The following RIPOR3 variants were observed in gnomAD, a reference collection of about 807,000 sequenced individuals.
RIPOR3 encodes the protein RIPOR family member 3.
Under a neutral mutation model 114.3 loss-of-function variants are expected in RIPOR3, and 95 were observed. The ratio of observed to expected loss-of-function variants is 0.83; its 90% CI spans 0.70 to 0.99. The LOEUF is 0.99. RIPOR3 is among the 50% of genes least tolerant of loss of function. RIPOR3 has a pLI of 0.00. For missense variants in RIPOR3, 1,252 were observed against 1,266.9 expected, an observed-to-expected ratio of 0.99 and a Z score of 0.18; for synonymous variants, 575 against 543.8, an observed-to-expected ratio of 1.06 and a Z score of -0.80.
chr20:50,674,505 T>C (rs1390108694), intron 1 of RIPOR3, among the ~76,000 whole-genome samples: 1 of 151,432 alleles, frequency 6.6e-6, no homozygotes, highest in Non-Finnish European at 1.5e-5. Flanking sequence ...TGTTGTGAGT[T>C]GAACAGTGTT....
At chr20:50,655,000 AG>A (rs2085758087) in intron 1 of RIPOR3, among the ~76,000 whole-genome samples, 1 of 152,208 alleles carries the variant, frequency 6.6e-6, no homozygotes, top group Non-Finnish European at 1.5e-5. Flanking sequence ...TTGCCCAACT[AG>A]GCCCCCCAGA....
intron 1 of RIPOR3, among the ~76,000 whole-genome samples, chr20:50,631,399 G>T (rs1201690385): frequency 6.6e-6 from 1 of 152,208 alleles, no homozygotes; most frequent in Non-Finnish European, 1.5e-5. Flanking sequence ...AGGCTGACGT[G>T]GGGTGAAGGG....
chr20:50,629,558 G>A (rs1358172886), intron 2 of RIPOR3, among the ~76,000 whole-genome samples: 5 of 152,154 alleles, frequency 3.3e-5, no homozygotes, highest in Admixed American at 3.3e-4. Context: ...GGGGCAGCAG[G>A]CAGGGCCTGG....
In RIPOR3 at chr20:50,611,223, G is replaced by A; in HGVS notation, c.349-19C>T. 6.2e-7 allele frequency: 1 copy of A among 1,614,094 alleles called. No homozygotes were observed. The highest frequency in any genetic ancestry group is 8.5e-7 in the Non-Finnish European group (1 of 1,180,032). ...AGAAAGCCTGTGAGGGAGGAAAGGA[G>A]GGCGGAAGAAGCTGTCAGAGTCCCA... On this transcript the variant is annotated intron_variant, in intron 4 of 21. Coordinates refer to ENST00000327979, the MANE Select transcript of RIPOR3 (RefSeq NM_001290268.2).
chr20:50,616,158 C>T (rs1317691966), intron 3 of RIPOR3, 78 bp from the exon 4 acceptor site: 5 of 1,439,278 alleles, frequency 3.5e-6, no homozygotes, highest in Non-Finnish European at 2.9e-6. Context: ...TGGACAATGT[C>T]CCCACGTGGA....
chr20:50,643,529 C>T (rs1320674404), intron 1 of RIPOR3, among the ~76,000 whole-genome samples: 1 of 151,150 alleles, frequency 6.6e-6, no homozygotes, highest in Non-Finnish European at 1.5e-5. Context: ...CCCATCTCTA[C>T]AAGAAGTGAA....
chr20:50,619,508 C>T (rs930834419), intron 3 of RIPOR3, among the ~76,000 whole-genome samples: 2 of 152,000 alleles, frequency 1.3e-5, no homozygotes, highest in African/African-American at 4.8e-5. Flanking sequence ...CCCAGCTCAT[C>T]AGTTGGTCTC....
intron 12 of RIPOR3, among the ~76,000 whole-genome samples, chr20:50,604,185 C>CAA (rs11300905): frequency 1.6e-3 from 134 of 84,580 alleles, no homozygotes; most frequent in African/African-American, 5.6e-3. Flanking sequence ...AACTCCGTCT[C>CAA]AAAAAAAAAA....
At chr20:50,687,303 T>C (rs115811849) in intron 1 of RIPOR3, among the ~76,000 whole-genome samples, 1 of 152,206 alleles carries the variant, frequency 6.6e-6, no homozygotes, top group Non-Finnish European at 1.5e-5. Context: ...CTGCATCCAC[T>C]CCAGTGCTTC....
chr20:50,632,348 G>T (rs1329921104), intron 1 of RIPOR3, among the ~76,000 whole-genome samples: 1 of 152,220 alleles, frequency 6.6e-6, no homozygotes, highest in Non-Finnish European at 1.5e-5. Flanking sequence ...ACCAAGGAAA[G>T]CATGTCCCGA....
Position 50,587,183 on chromosome 20 carries a change from C to T in RIPOR3, c.*49G>A. On this transcript the variant is annotated 3_prime_UTR_variant, in exon 22 of 22. Coordinates refer to ENST00000327979, the MANE Select transcript of RIPOR3 (RefSeq NM_001290268.2). The stretch of plus-strand genomic sequence containing the variant: ...GAGTGCAGGCTATGTCCAGGCTGGG[C>T]AGCAGCAAAAAAAACGATGTGAGAT... The T allele has an allele frequency of 1.4e-6, 2 of 1,448,734 alleles. No homozygotes were observed. Among genetic ancestry groups the T allele is most frequent in the Non-Finnish European group, 1.9e-6 (2 of 1,032,000 alleles). The allele number at this position is 1,448,734 out of a possible 1,614,324, so 89.7% of individuals were successfully genotyped here.
chr20:50,609,030 G>T (rs2083845799), intron 8 of RIPOR3, 75 bp from the exon 9 acceptor site: 3 of 1,540,544 alleles, frequency 1.9e-6, no homozygotes, highest in Non-Finnish European at 1.8e-6. Context: ...CCTCTCTGGG[G>T]TTCCCCCGAG....
At chr20:50,682,612 A>ATGTGTGTGTGTGTGTGTGTGTGTGTGTG (rs71190593) in intron 1 of RIPOR3, among the ~76,000 whole-genome samples, 9,532 of 146,714 alleles carry the variant, frequency 0.065, 425 homozygotes, top group Non-Finnish European at 0.086. Context: ...GTCTCAAAAT[A>ATGTGTGTGTGTGTGTGTGTGTGTGTGTG]TGTGTGTGTG....
intron 1 of RIPOR3, among the ~76,000 whole-genome samples, chr20:50,658,640 G>T (rs1365932447): frequency 2.0e-5 from 3 of 152,132 alleles, no homozygotes; most frequent in African/African-American, 7.2e-5. Flanking sequence ...AAGAGATCAA[G>T]GTTACAGTGA....
At chr20:50,655,507 G>A (rs2085778120) in intron 1 of RIPOR3, among the ~76,000 whole-genome samples, 2 of 152,224 alleles carry the variant, frequency 1.3e-5, no homozygotes, top group South Asian at 4.1e-4. Context: ...AATGAATTGG[G>A]GGGTTGTTAA....
At chr20:50,596,412 C>G in intron 14 of RIPOR3, 149 bp from the exon 15 acceptor site, 1 of 1,149,788 alleles carries the variant, frequency 8.7e-7, no homozygotes, top group South Asian at 1.5e-5. Context: ...GGGAAAGGAA[C>G]AAAGGGTGGC....
intron 2 of RIPOR3, among the ~76,000 whole-genome samples, chr20:50,623,860 T>C (rs1460405123): frequency 6.6e-6 from 1 of 152,142 alleles, no homozygotes; most frequent in African/African-American, 2.4e-5. Context: ...TATTTTGAGA[T>C]GAAATTTCGC....
In RIPOR3 at chr20:50,597,686, T is replaced by C; in HGVS notation, c.1684A>G (p.Thr562Ala). The C allele has an allele frequency of 6.2e-7, 1 of 1,611,354 alleles. No homozygotes were observed. Among genetic ancestry groups the C allele is most frequent in the Non-Finnish European group, 8.5e-7 (1 of 1,178,974 alleles). ...CACTCCATCAGGCTCTCGGCCGAGG[T>C]GTGCTCCTGCCGTGCTCTGCAGGGC... Reference protein sequence around the residue: ...LKPCRARQEHTSAESLMECIL... With the variant: ...LKPCRARQEHASAESLMECIL... The change falls in exon 14 of 22, where the codon ACC becomes GCC. Residue 562 changes from threonine (T) to alanine (A), a missense_variant. By Grantham distance (58) the Thr-to-Ala change is moderately conservative. Transcript: ENST00000327979.
At position 50,620,170 on chromosome 20, in the gene RIPOR3, G is replaced by A. The variant is rs771755558; in HGVS notation, c.123-38C>T. 3.7e-6 allele frequency: 6 copies of A among 1,604,956 alleles called. No individual in the cohort carries two copies. The South Asian group carries it at 6.6e-5, about 18-fold the overall frequency. On this transcript the variant is annotated intron_variant, in intron 2 of 21. Coordinates refer to ENST00000327979, the MANE Select transcript of RIPOR3 (RefSeq NM_001290268.2). ...TTGGAGGGCAAGAGAAGTCAGAGAAGGGCCCTGACAAAGCCCTCCCCAGGG... is the reference window on the plus strand; with the variant it reads ...TTGGAGGGCAAGAGAAGTCAGAGAAAGGCCCTGACAAAGCCCTCCCCAGGG...
Sources: gnomAD v4.1 joint callset for allele counts (sites outside exome capture counted in the v4.1 genomes callset) on GRCh38, gnomAD v4.1.1 for gene constraint, MANE v1.5 for transcripts, NCBI Gene and HGNC (gene_info 2026-07-23, HGNC 2026-07-21) for gene names.